KAT14: variants seen among roughly 807,000 people sequenced by gnomAD.
KAT14 encodes cysteine-rich protein 2-binding protein.
A neutral mutation model predicts 78.4 loss-of-function variants in KAT14; 66 were observed. That is an observed-to-expected ratio of 0.84 (90% CI 0.69 to 1.03). KAT14 has a LOEUF of 1.03. Among genes scored for constraint, KAT14 ranks in the 50% least tolerant of loss-of-function variants. The pLI is 0.00. For synonymous variants in KAT14, 344 were observed against 359.4 expected, an observed-to-expected ratio of 0.96 and a Z score of 0.48; for missense variants, 870 against 972.5, an observed-to-expected ratio of 0.89 and a Z score of 1.40.
chr20:18,142,496 A>G lies in KAT14; in HGVS notation c.-165A>G, dbSNP rs2037624739. On this transcript the variant is annotated 5_prime_UTR_variant, in exon 2 of 11. It adds an upstream start codon to the 5' untranslated region. Transcript: ENST00000688188. ...GATCAAATAAAGGACAGTGGGTCAT[A>G]TAAGTTACTGCTTTCAGGGTCCCTT... is the stretch of plus-strand genomic sequence containing the variant. The G allele has an allele frequency of 2.1e-6, 3 of 1,457,532 alleles. No individual in the cohort carries two copies. The highest frequency in any genetic ancestry group is 2.3e-4 in the Middle Eastern group (1 of 4,348). 90.3% of individuals were successfully genotyped at this position (1,457,532 alleles called of 1,614,324 possible). A position where few individuals can be genotyped will look rare whatever the true frequency, so the allele number is the denominator to read the frequency against.
chr20:18,150,654 G>C (rs2037998919), intron 3 of KAT14, among the ~76,000 whole-genome samples, 167 bp from the exon 4 acceptor site: 1 of 152,130 alleles, frequency 6.6e-6, no homozygotes, highest in African/African-American at 2.4e-5. Context: ...AAGTAAAAAA[G>C]GAAGTAAATT....
Position 18,142,583 on chromosome 20 carries a change from T to G in KAT14, c.-78T>G. On this transcript the variant is annotated 5_prime_UTR_variant, in exon 2 of 11. Transcript: ENST00000688188. ...GAAGAGTCTGTCTGGGTGATCCTGG[T>G]AGAAGCCCCATTAGGGTCACTGTCC... 1.9e-6 allele frequency: 3 copies of G among 1,578,456 alleles called. No individual in the cohort carries two copies. Among genetic ancestry groups the G allele is most frequent in the Admixed American group, 1.8e-5 (1 of 56,920 alleles).
At chr20:18,144,782 T>G (rs1041858261) in intron 2 of KAT14, among the ~76,000 whole-genome samples, 1 of 152,154 alleles carries the variant, frequency 6.6e-6, no homozygotes, top group Non-Finnish European at 1.5e-5. Context: ...AACCACTGTG[T>G]TGTTGTGATC....
chr20:18,187,301 G>T lies in KAT14; in HGVS notation c.2188G>T (p.Asp730Tyr). The change falls in exon 11 of 11, where the codon GAC (aspartate) becomes TAC (tyrosine). Residue 730 changes from aspartate (D) to tyrosine (Y), a missense_variant. Transcript: ENST00000688188. Reference sequence around the variant, plus strand: ...CTTTTGGCAGACCTGCATGGGCAAGGACGTAACCCTTCACGTCTCAGCAAG... The same window carrying T: ...CTTTTGGCAGACCTGCATGGGCAAGTACGTAACCCTTCACGTCTCAGCAAG... ...YHLIQTCMGK[D>Y]VTLHVSASNP... 1 of 1,612,162 alleles carries T rather than the reference G, an allele frequency of 6.2e-7. No individual in the cohort carries two copies. Among genetic ancestry groups the T allele is most frequent in the South Asian group, 1.1e-5 (1 of 90,508 alleles).
Position 18,138,616 on chromosome 20 carries a change from G to C in KAT14, c.-454+565G>C, listed in dbSNP as rs143580841. ...GCCTTTGACCAAGATAATTTGGTGA[G>C]ATGTTTGCACTTCTCGTTTAAATGA... On this transcript the variant is annotated intron_variant, in intron 1 of 10. Transcript: ENST00000688188. The C allele has an allele frequency of 5.1e-5, 13 of 254,638 alleles. No homozygotes were observed. The East Asian group carries it at 2.1e-3, about 41-fold the overall frequency. The allele number at this position is 254,638 out of a possible 1,614,324, so 15.8% of individuals were successfully genotyped here.
At chr20:18,164,341 C>T (rs73257970) in intron 7 of KAT14, among the ~76,000 whole-genome samples, 6,688 of 152,104 alleles carry the variant, frequency 0.044, 509 homozygotes, top group African/African-American at 0.15. Flanking sequence ...GTCTTCTGCC[C>T]GTGGAGGGAA....
intron 7 of KAT14, among the ~76,000 whole-genome samples, chr20:18,170,511 A>G (rs894831058): frequency 1.3e-5 from 2 of 152,194 alleles, no homozygotes; most frequent in African/African-American, 4.8e-5. Flanking sequence ...TAAGCCCACT[A>G]TTGAAAGCTA....
upstream of KAT14, among the ~76,000 whole-genome samples, chr20:18,137,228 G>A (rs80023665): frequency 5.3e-3 from 807 of 152,162 alleles, 39 homozygotes; most frequent in East Asian, 0.11. Context: ...CGGTAAGGTT[G>A]CAGTGAGCCG....
intron 2 of KAT14, 31 bp downstream of exon 2, chr20:18,142,950 C>T (rs1345652869): frequency 1.2e-6 from 2 of 1,604,576 alleles, no homozygotes; most frequent in Non-Finnish European, 1.7e-6. Context: ...TTTGATTTGT[C>T]AATTCCTGTG....
At chr20:18,149,466 A>G (rs1024625291) in intron 3 of KAT14, among the ~76,000 whole-genome samples, 7 of 152,206 alleles carry the variant, frequency 4.6e-5, no homozygotes, top group Non-Finnish European at 7.3e-5. Flanking sequence ...CATGGGGTTA[A>G]TTGTTTTTAG....
chr20:18,141,038 T>TTA lies in KAT14; in HGVS notation c.-453-1169_-453-1168insAT, dbSNP rs1555801394. Among the ~76,000 whole-genome samples, 109 of 31,600 alleles carry TTA rather than the reference T, an allele frequency of 3.4e-3. 1 individual carries two copies. The highest frequency in any genetic ancestry group is 8.1e-3 in the African/African-American group (107 of 13,262). 20.7% of individuals were successfully genotyped at this position (31,600 alleles called of 152,430 possible). A position where few individuals can be genotyped will look rare whatever the true frequency, so the allele number is the denominator to read the frequency against. On this transcript the variant is annotated intron_variant, in intron 1 of 10. Transcript: ENST00000688188. ...ACTCCCTGCAATTTTTTTTTTTTTT[T>TTA]TTTTTTTTATTTTTATTTTTGCTAG...
chr20:18,183,013 GTTA>G, intron 8 of KAT14, 107 bp from the exon 9 acceptor site: 1 of 1,423,610 alleles, frequency 7.0e-7, no homozygotes. Flanking sequence ...AACAGTGCAG[GTTA>G]CTTTAAAGTT....
intron 4 of KAT14, among the ~76,000 whole-genome samples, chr20:18,152,591 C>CA (rs2038088957): frequency 6.6e-6 from 1 of 152,164 alleles, no homozygotes; most frequent in Non-Finnish European, 1.5e-5. Flanking sequence ...AAACAAACAA[C>CA]CAACCAAAAA....
intron 1 of KAT14, among the ~76,000 whole-genome samples, chr20:18,141,051 T>TTTTTTTTTTTTTTTTTTTG (rs58888387): frequency 6.4e-5 from 7 of 109,702 alleles, no homozygotes; most frequent in Admixed American, 1.1e-4. Context: ...TTTTTTATTT[T>TTTTTTTTTTTTTTTTTTTG]TATTTTTGCT....
Position 18,162,808 on chromosome 20 carries a change from G to A in KAT14, c.1531G>A (p.Asp511Asn). Residue 511 changes from aspartate (D) to asparagine (N), a missense_variant, in exon 7 of 11, where the codon GAT becomes AAT. Physicochemically the swap from Asp to Asn is conservative, Grantham distance 23. Coordinates refer to ENST00000688188, the MANE Select transcript of KAT14 (RefSeq NM_001392073.1). ...TAGGGGATTACCACTTTTTGACTTG[G>A]ATCAAGTTGTTAATGCTGCTCTTTT... ...RDRGLPLFDL[D>N]QVVNAALLLV... 1.2e-6 allele frequency: 2 copies of A among 1,614,174 alleles called. No homozygotes were observed. Among genetic ancestry groups the A allele is most frequent in the Non-Finnish European group, 1.7e-6 (2 of 1,180,028 alleles).
upstream of KAT14, among the ~76,000 whole-genome samples, chr20:18,137,290 AAATTAT>A (rs1249236819): frequency 1.6e-5 from 2 of 125,426 alleles, 1 homozygote; most frequent in East Asian, 4.4e-4. Flanking sequence ...CTCTGTATCA[AAATTAT>A]AATAATAATA....
At chr20:18,144,267 T>G (rs768783663) in intron 2 of KAT14, among the ~76,000 whole-genome samples, 5 of 152,232 alleles carry the variant, frequency 3.3e-5, no homozygotes, top group Non-Finnish European at 7.3e-5. Context: ...CGGTCTCTGT[T>G]ATTGATTTCA....
intron 7 of KAT14, among the ~76,000 whole-genome samples, chr20:18,165,721 A>G (rs1479160479): frequency 6.6e-6 from 1 of 152,218 alleles, no homozygotes; most frequent in African/African-American, 2.4e-5. Flanking sequence ...GTCCTGGGAA[A>G]CATGAGGCTC....
Position 18,137,955 on chromosome 20 carries a change from G to A in KAT14, c.-550G>A, listed in dbSNP as rs773786882. 2.0e-6 allele frequency: 3 copies of A among 1,487,890 alleles called. No individual in the cohort carries two copies. The highest frequency in any genetic ancestry group is 2.9e-5 in the African/African-American group (2 of 68,398). The allele number at this position is 1,487,890 out of a possible 1,614,324, so 92.2% of individuals were successfully genotyped here. ...GAGAGGCCGCGGCCGCCAGCGTGGG[G>A]ATGTCTAGGAGCTCGAAGGTGGTGC... On this transcript the variant is annotated 5_prime_UTR_variant, in exon 1 of 11. Coordinates refer to ENST00000688188, the MANE Select transcript of KAT14 (RefSeq NM_001392073.1).
Sources: gnomAD v4.1 joint callset for allele counts (sites outside exome capture counted in the v4.1 genomes callset) on GRCh38, gnomAD v4.1.1 for gene constraint, MANE v1.5 for transcripts, NCBI Gene and HGNC (gene_info 2026-07-23, HGNC 2026-07-21) for gene names.